Variants in LRRC4C observed in about 807,000 individuals in gnomAD.
LRRC4C encodes leucine rich repeat containing 4C.
LRRC4C carries 5 observed loss-of-function variants against 33.6 expected under a neutral mutation model. The observed-to-expected ratio is 0.15, with a 90% CI of 0.08 to 0.31. LRRC4C has a LOEUF of 0.31. Among genes scored for constraint, LRRC4C ranks in the 10% least tolerant of loss-of-function variants. The pLI, the probability that LRRC4C is intolerant of heterozygous loss-of-function variation, is 1.00. For missense variants in LRRC4C, 560 were observed against 796.7 expected (o/e 0.70, Z 3.58); for synonymous variants, 329 against 302.0 (o/e 1.09, Z -0.93).
intron 3 of LRRC4C, among the ~76,000 whole-genome samples, chr11:40,420,495 C>A (rs1269608980): frequency 6.6e-6 from 1 of 152,196 alleles, no homozygotes; most frequent in Admixed American, 6.5e-5. Context: ...TTGCTCTGAA[C>A]TCTATCTCCA....
chr11:40,929,218 TC>T (rs1349731802), intron 2 of LRRC4C, among the ~76,000 whole-genome samples: 3 of 152,160 alleles, frequency 2.0e-5, no homozygotes, highest in African/African-American at 7.2e-5. Flanking sequence ...CAGCCAGCCT[TC>T]CTTTTTGGCA....
intron 2 of LRRC4C, among the ~76,000 whole-genome samples, chr11:40,777,798 C>T (rs2137242130): frequency 6.6e-6 from 1 of 152,102 alleles, no homozygotes; most frequent in East Asian, 1.9e-4. Flanking sequence ...CGCCATTCTC[C>T]TGCCTCAGCC....
At chr11:40,387,817 T>C (rs1949170425) in intron 3 of LRRC4C, among the ~76,000 whole-genome samples, 2 of 152,218 alleles carry the variant, frequency 1.3e-5, no homozygotes, top group Admixed American at 6.5e-5. Context: ...TTGTCCTCTT[T>C]GAATGCTGAC....
intron 3 of LRRC4C, among the ~76,000 whole-genome samples, chr11:40,350,254 G>A (rs1474851075): frequency 6.6e-6 from 1 of 151,998 alleles, no homozygotes; most frequent in Non-Finnish European, 1.5e-5. Context: ...AATCCATTCT[G>A]ATCTGATTTT....
intron 1 of LRRC4C, among the ~76,000 whole-genome samples, chr11:41,081,156 G>A (rs1247434455): frequency 6.6e-6 from 1 of 152,150 alleles, no homozygotes. Flanking sequence ...ATGGAAAGTT[G>A]TAATTTGACA....
chr11:40,185,447 C>T (rs1342161746), intron 5 of LRRC4C, among the ~76,000 whole-genome samples: 3 of 152,082 alleles, frequency 2.0e-5, no homozygotes, highest in Admixed American at 2.0e-4. Flanking sequence ...GGGACTGACG[C>T]TGCACCATTT....
At chr11:41,046,609 T>C (rs1007792230) in intron 1 of LRRC4C, among the ~76,000 whole-genome samples, 1 of 152,190 alleles carries the variant, frequency 6.6e-6, no homozygotes, top group Admixed American at 6.5e-5. Context: ...ATTTCTAATT[T>C]TGTTTCAACA....
chr11:41,327,496 A>G (rs527980860), intron 1 of LRRC4C, among the ~76,000 whole-genome samples: 3 of 152,328 alleles, frequency 2.0e-5, no homozygotes, highest in Non-Finnish European at 4.4e-5. Context: ...AAACTTCCCC[A>G]ATGTAGGAAA....
intron 2 of LRRC4C, among the ~76,000 whole-genome samples, chr11:40,856,589 T>A (rs1323676250): frequency 6.6e-6 from 1 of 152,244 alleles, no homozygotes; most frequent in Non-Finnish European, 1.5e-5. Flanking sequence ...TCTCTTAGAA[T>A]TAAAATGCAT....
intron 2 of LRRC4C, among the ~76,000 whole-genome samples, chr11:40,851,215 T>A (rs7127646): frequency 3.3e-5 from 5 of 151,968 alleles, no homozygotes; most frequent in Non-Finnish European, 2.9e-5. Context: ...GCTTGGCTTC[T>A]GCCCAATCAG....
intron 2 of LRRC4C, among the ~76,000 whole-genome samples, chr11:40,654,057 C>T (rs567363741): frequency 1.3e-5 from 2 of 152,252 alleles, no homozygotes; most frequent in South Asian, 2.1e-4. Context: ...GGAACCTCCA[C>T]CTAAATTTCA....
chr11:40,145,451 G>A (rs1352933038), intron 5 of LRRC4C, among the ~76,000 whole-genome samples: 1 of 152,102 alleles, frequency 6.6e-6, no homozygotes, highest in African/African-American at 2.4e-5. Context: ...GGGAAAAAAA[G>A]CCAATACTTT....
intron 2 of LRRC4C, among the ~76,000 whole-genome samples, chr11:40,796,652 T>A (rs1460043898): frequency 5.2e-5 from 7 of 133,506 alleles, no homozygotes; most frequent in East Asian, 4.2e-4. Flanking sequence ...TTTTTTTTTT[T>A]TTTTTTTATT....
intron 2 of LRRC4C, among the ~76,000 whole-genome samples, chr11:40,929,184 TA>T (rs1670667708): frequency 6.6e-6 from 1 of 152,226 alleles, no homozygotes; most frequent in Non-Finnish European, 1.5e-5. Context: ...TTATTTGACC[TA>T]CTGGATGCCA....
intron 1 of LRRC4C, among the ~76,000 whole-genome samples, chr11:41,219,058 A>G (rs1361398171): frequency 2.6e-5 from 4 of 152,060 alleles, no homozygotes; most frequent in Admixed American, 2.6e-4. Context: ...GGCTTGAGCC[A>G]CCGCGCCCGG....
At chr11:40,194,424 G>C (rs1862081656) in intron 5 of LRRC4C, among the ~76,000 whole-genome samples, 1 of 152,240 alleles carries the variant, frequency 6.6e-6, no homozygotes, top group East Asian at 1.9e-4. Flanking sequence ...TTACCACCAG[G>C]CCTGCCTTAC....
At chr11:40,690,858 G>C (rs1945189935) in intron 2 of LRRC4C, among the ~76,000 whole-genome samples, 1 of 151,974 alleles carries the variant, frequency 6.6e-6, no homozygotes, top group Middle Eastern at 3.2e-3. Context: ...TTGTTCAAAG[G>C]ATGCTGATAT....
intron 5 of LRRC4C, among the ~76,000 whole-genome samples, chr11:40,237,953 T>G (rs893669472): frequency 6.6e-6 from 1 of 152,158 alleles, no homozygotes; most frequent in African/African-American, 2.4e-5. Context: ...TACAAAAAAT[T>G]CAGAGTCACA....
intron 3 of LRRC4C, among the ~76,000 whole-genome samples, chr11:40,462,207 A>C (rs1290839043): frequency 2.0e-5 from 3 of 152,102 alleles, no homozygotes; most frequent in African/African-American, 7.2e-5. Context: ...ATAAAACTAA[A>C]CATTCTTTCT....
Sources: allele counts gnomAD v4.1 joint callset (sites outside exome capture counted in the v4.1 genomes callset), GRCh38; gene constraint gnomAD v4.1.1; transcripts MANE v1.5; gene names NCBI Gene and HGNC (gene_info 2026-07-23, HGNC 2026-07-21).